The following PPP3CA variants were observed in gnomAD, a reference collection of about 807,000 sequenced individuals.
PPP3CA encodes the protein protein phosphatase 3 catalytic subunit alpha, also known as CAM-PRP catalytic subunit.
Under a neutral mutation model 66.5 loss-of-function variants are expected in PPP3CA, and 14 were observed. That is an observed-to-expected ratio of 0.21 (90% CI 0.14 to 0.33). PPP3CA has a LOEUF of 0.33. Among genes scored for constraint, PPP3CA ranks in the 10% least tolerant of loss-of-function variants. The pLI, the probability that PPP3CA is intolerant of heterozygous loss-of-function variation, is 1.00. For missense variants in PPP3CA, 317 were observed against 639.5 expected (o/e 0.50, Z 5.44); for synonymous variants, 232 against 226.2 (o/e 1.03, Z -0.23).
intron 1 of PPP3CA, among the ~76,000 whole-genome samples, chr4:101,303,200 T>C (rs74740109): frequency 1.7e-4 from 26 of 152,276 alleles, no homozygotes; most frequent in South Asian, 4.1e-4. Flanking sequence ...CATTTCAAAA[T>C]AGCATGTTTC....
chr4:101,037,763 T>TA (rs1727316382), intron 11 of PPP3CA, among the ~76,000 whole-genome samples: 1 of 152,160 alleles, frequency 6.6e-6, no homozygotes, highest in African/African-American at 2.4e-5. Flanking sequence ...ACACAAAAAT[T>TA]AAATGTTTTA....
At chr4:101,177,890 T>C (rs1320047331) in intron 2 of PPP3CA, among the ~76,000 whole-genome samples, 1 of 152,006 alleles carries the variant, frequency 6.6e-6, no homozygotes, top group Non-Finnish European at 1.5e-5. Flanking sequence ...CACTACTATA[T>C]ACCAAGAAAT....
intron 8 of PPP3CA, among the ~76,000 whole-genome samples, chr4:101,066,692 A>G (rs997955835): frequency 6.6e-6 from 1 of 152,072 alleles, no homozygotes; most frequent in Admixed American, 6.6e-5. Flanking sequence ...CATGAGAAAA[A>G]AAAACTAAAA....
At chr4:101,340,142 T>C (rs906562095) in intron 1 of PPP3CA, among the ~76,000 whole-genome samples, 4 of 152,202 alleles carry the variant, frequency 2.6e-5, no homozygotes, top group East Asian at 1.9e-4. Context: ...AATATTGAGA[T>C]AGCTTTTATA....
chr4:101,029,345 GC>G, intron 12 of PPP3CA, 150 bp from the exon 13 acceptor site: 1 of 48,842 alleles, frequency 2.0e-5, no homozygotes, highest in East Asian at 6.5e-4. Flanking sequence ...AAACAGAAAT[GC>G]TAAAAAAAAA....
intron 9 of PPP3CA, among the ~76,000 whole-genome samples, chr4:101,062,773 G>A (rs1373363981): frequency 6.6e-6 from 1 of 151,920 alleles, no homozygotes; most frequent in Non-Finnish European, 1.5e-5. Context: ...TCAAAATATT[G>A]TAGCCATTAA....
At chr4:101,063,089 G>C in intron 9 of PPP3CA, 143 bp downstream of exon 9, 6 of 1,002,206 alleles carry the variant, frequency 6.0e-6, no homozygotes, top group Non-Finnish European at 7.2e-6. Flanking sequence ...GTGACACACT[G>C]CCACTTCCAA....
rs577267635 is a variant in PPP3CA at position 101,224,540 on chromosome 4, T to G, written c.59-28424A>C. Among the ~76,000 whole-genome samples the G allele has an allele frequency of 1.1e-4, 16 of 151,834 alleles. No individual in the cohort carries two copies. The South Asian group carries it at 3.3e-3, about 31-fold the overall frequency. On this transcript the variant is annotated intron_variant, in intron 1 of 13. Coordinates refer to ENST00000394854, the MANE Select transcript of PPP3CA (RefSeq NM_000944.5). ...CATTTCAAAATGTCATTGCTAGCGCTCCAGGGAGAAAGACAGCAGCAGCAG... is the reference window on the plus strand; with the variant it reads ...CATTTCAAAATGTCATTGCTAGCGCGCCAGGGAGAAAGACAGCAGCAGCAG...
intron 2 of PPP3CA, among the ~76,000 whole-genome samples, chr4:101,193,194 C>T (rs1304984571): frequency 6.6e-6 from 1 of 152,176 alleles, no homozygotes; most frequent in Non-Finnish European, 1.5e-5. Context: ...AGGTCTTATT[C>T]ACATGTATGT....
At chr4:101,290,472 T>A (rs1293438701) in intron 1 of PPP3CA, among the ~76,000 whole-genome samples, 1 of 152,250 alleles carries the variant, frequency 6.6e-6, no homozygotes, top group Non-Finnish European at 1.5e-5. Flanking sequence ...ATTTCCTTGC[T>A]TAAATAATAT....
At chr4:101,283,319 ACT>A (rs1727743396) in intron 1 of PPP3CA, among the ~76,000 whole-genome samples, 2 of 152,078 alleles carry the variant, frequency 1.3e-5, no homozygotes, top group South Asian at 2.1e-4. Flanking sequence ...TGGTATCAAT[ACT>A]CTCTGTAACA....
rs543768301 is a variant in PPP3CA at position 101,249,475 on chromosome 4, C to CGT, written c.59-53361_59-53360dup. 1.3e-4 allele frequency among the ~76,000 whole-genome samples: 19 copies of CGT among 151,492 alleles called. No individual in the cohort carries two copies. The South Asian group carries it at 1.9e-3, about 15-fold the overall frequency. Reference sequence around the variant, plus strand: ...TTTTCACCCATTGCAAAAGGAAAGACGTGTGTGTGTGTGTTTTTTAGTACA... The same window carrying CGT: ...TTTTCACCCATTGCAAAAGGAAAGACGTGTGTGTGTGTGTGTTTTTTAGTACA... On this transcript the variant is annotated intron_variant, in intron 1 of 13. Transcript: ENST00000394854.
intron 10 of PPP3CA, among the ~76,000 whole-genome samples, chr4:101,049,854 A>T (rs1727932583): frequency 6.6e-6 from 1 of 152,134 alleles, no homozygotes; most frequent in South Asian, 2.1e-4. Flanking sequence ...CAGCATAATA[A>T]AAAGCAGACG....
chr4:101,250,851 A>C (rs4699144), intron 1 of PPP3CA, among the ~76,000 whole-genome samples: 84,486 of 151,808 alleles, frequency 0.56, 27,360 homozygotes, highest in Non-Finnish European at 0.74. Flanking sequence ...TGTATATTAA[A>C]AGGAAATAAA....
At chr4:101,333,805 C>A (rs548792228) in intron 1 of PPP3CA, among the ~76,000 whole-genome samples, 16 of 152,302 alleles carry the variant, frequency 1.1e-4, no homozygotes, top group African/African-American at 3.8e-4. Context: ...GGCAGCTTAT[C>A]ACTCCCTTTT....
intron 1 of PPP3CA, among the ~76,000 whole-genome samples, chr4:101,346,084 T>C (rs1219184684): frequency 6.7e-6 from 1 of 148,240 alleles, no homozygotes; most frequent in Admixed American, 6.7e-5. Context: ...GCGGCCACCC[T>C]CCAGCCAGCG....
rs575766224 is a variant in PPP3CA at position 101,155,995 on chromosome 4, C to A, written c.259+39921G>T. ...CCTACAAGGTAGACAGGGACCCTTA[C>A]ATGCATTTAGAGATACGGAAACTAT... On this transcript the variant is annotated intron_variant, in intron 2 of 13. Transcript: ENST00000394854. 2.6e-5 allele frequency among the ~76,000 whole-genome samples: 4 copies of A among 152,288 alleles called. No individual in the cohort carries two copies. The East Asian group carries it at 5.8e-4, about 22-fold the overall frequency.
chr4:101,060,767 T>C (rs188844474), intron 10 of PPP3CA, among the ~76,000 whole-genome samples: 1 of 152,108 alleles, frequency 6.6e-6, no homozygotes, highest in Non-Finnish European at 1.5e-5. Flanking sequence ...TGTCCAGTAA[T>C]TGGTAACATC....
chr4:101,041,994 G>T (rs1015744134), intron 10 of PPP3CA, among the ~76,000 whole-genome samples: 1 of 152,182 alleles, frequency 6.6e-6, no homozygotes, highest in South Asian at 2.1e-4. Context: ...TGTGGTAACA[G>T]CAAGCTTTCA....
Sources: allele counts gnomAD v4.1 joint callset (sites outside exome capture counted in the v4.1 genomes callset), GRCh38; gene constraint gnomAD v4.1.1; transcripts MANE v1.5; gene names NCBI Gene and HGNC (gene_info 2026-07-23, HGNC 2026-07-21).